Variants in DENND4C observed in about 807,000 individuals in gnomAD.
The protein encoded by DENND4C is DENN domain-containing protein 4C.
DENND4C carries 108 observed loss-of-function variants against 203.0 expected under a neutral mutation model. The ratio of observed to expected loss-of-function variants is 0.53; its 90% CI spans 0.46 to 0.62. DENND4C has a LOEUF of 0.62. Among genes scored for constraint, DENND4C ranks in the 20% least tolerant of loss-of-function variants. The pLI is 0.00. For missense variants in DENND4C, 2,481 were observed against 2,301.2 expected, an observed-to-expected ratio of 1.08 and a Z score of -1.60; for synonymous variants, 871 against 792.4, an observed-to-expected ratio of 1.10 and a Z score of -1.67.
chr9:19,287,416 C>T (rs879407957), intron 3 of DENND4C, among the ~76,000 whole-genome samples: 8 of 151,842 alleles, frequency 5.3e-5, no homozygotes, highest in South Asian at 2.1e-4. Flanking sequence ...CTTGCTTTGT[C>T]GCCCAGGCTG....
At chr9:19,287,876 G>A (rs377253345) in intron 3 of DENND4C, among the ~76,000 whole-genome samples, 100 of 152,286 alleles carry the variant, frequency 6.6e-4, no homozygotes, top group African/African-American at 2.4e-3. Flanking sequence ...GGGGCTACGG[G>A]CGTGCGCCAC....
chr9:19,309,309 C>T (rs1285952095), intron 10 of DENND4C, among the ~76,000 whole-genome samples: 1 of 151,842 alleles, frequency 6.6e-6, no homozygotes, highest in African/African-American at 2.4e-5. Context: ...GTAATCCCAG[C>T]TATCCGGGAG....
chr9:19,244,715 G>A (rs908030743), intron 1 of DENND4C, among the ~76,000 whole-genome samples: 3 of 148,222 alleles, frequency 2.0e-5, no homozygotes, highest in African/African-American at 7.5e-5. Context: ...ACTCCAGCCT[G>A]GGTGACAGAG....
chr9:19,359,153 C>T (rs1310545762), intron 28 of DENND4C, among the ~76,000 whole-genome samples: 4 of 151,824 alleles, frequency 2.6e-5, no homozygotes, highest in East Asian at 3.9e-4. Context: ...TTCAAAATAG[C>T]GAGTTGAGTC....
chr9:19,361,097 A>T (rs1437137427), intron 29 of DENND4C, among the ~76,000 whole-genome samples: 2 of 152,072 alleles, frequency 1.3e-5, no homozygotes, highest in Non-Finnish European at 2.9e-5. Flanking sequence ...TTCCTGACCT[A>T]AGGCAATCCA....
Position 19,316,779 on chromosome 9 carries a change from C to G in DENND4C, c.1747C>G (p.Pro583Ala). 1 of 1,613,944 alleles carries G rather than the reference C, an allele frequency of 6.2e-7. No individual in the cohort carries two copies. The highest frequency in any genetic ancestry group is 8.5e-7 in the Non-Finnish European group (1 of 1,179,952). The change falls in exon 12 of 33, where the codon CCA becomes GCA. Residue 583 changes from proline to alanine, a missense_variant. Pro to Ala is a conservative substitution (Grantham distance 27). Coordinates refer to ENST00000434457, the MANE Select transcript of DENND4C (RefSeq NM_001330640.2). ...ILKGYRTYLR[P>A]ITEAPSNKAT... ...AAAAGGATATAGAACATATCTCAGA[C>G]CAATCACAGAGGCTCCTTCAAATAA...
intron 1 of DENND4C, among the ~76,000 whole-genome samples, chr9:19,235,489 T>TA (rs948531154): frequency 1.3e-5 from 2 of 152,122 alleles, no homozygotes; most frequent in African/African-American, 4.8e-5. Flanking sequence ...ATGTAATTCT[T>TA]ATACTCTTAT....
At chr9:19,284,311 A>G (rs1485119766) in intron 2 of DENND4C, among the ~76,000 whole-genome samples, 1 of 152,126 alleles carries the variant, frequency 6.6e-6, no homozygotes, top group Non-Finnish European at 1.5e-5. Flanking sequence ...TTTGTGTGTG[A>G]CTGTATAATA....
intron 1 of DENND4C, among the ~76,000 whole-genome samples, chr9:19,275,598 G>C (rs1158206245): frequency 6.6e-6 from 1 of 152,032 alleles, no homozygotes; most frequent in Non-Finnish European, 1.5e-5. Context: ...AGCCTCCCGG[G>C]TAGCTGGGAT....
At chr9:19,235,247 G>A (rs1057346135) in intron 1 of DENND4C, among the ~76,000 whole-genome samples, 3 of 152,192 alleles carry the variant, frequency 2.0e-5, no homozygotes, top group African/African-American at 7.2e-5. Context: ...TTACAGGCGT[G>A]AGCCACCACG....
chr9:19,370,777 CAACAT>C (rs760465483), intron 31 of DENND4C, among the ~76,000 whole-genome samples: 7 of 152,228 alleles, frequency 4.6e-5, no homozygotes, highest in Non-Finnish European at 7.3e-5. Context: ...ATCCCCTCCT[CAACAT>C]AAGTGAATTT....
intron 12 of DENND4C, among the ~76,000 whole-genome samples, chr9:19,324,135 A>C (rs1251137079): frequency 6.6e-6 from 1 of 152,156 alleles, no homozygotes; most frequent in Non-Finnish European, 1.5e-5. Flanking sequence ...GATTGTGCAC[A>C]TGCAAATATT....
intron 3 of DENND4C, 25 bp from the exon 4 acceptor site, chr9:19,288,571 T>A (rs1336495730): frequency 8.2e-7 from 1 of 1,223,728 alleles, no homozygotes; most frequent in Non-Finnish European, 1.0e-6. Flanking sequence ...TTGTCTTTTT[T>A]ATAAACCTAA....
intron 1 of DENND4C, among the ~76,000 whole-genome samples, chr9:19,232,417 C>G (rs1338930385): frequency 6.8e-6 from 1 of 147,638 alleles, no homozygotes; most frequent in Non-Finnish European, 1.5e-5. Context: ...TCATATGCGA[C>G]TTGACTTTGG....
intron 1 of DENND4C, among the ~76,000 whole-genome samples, chr9:19,241,435 A>G (rs535260881): frequency 1.3e-5 from 2 of 150,378 alleles, no homozygotes; most frequent in Non-Finnish European, 3.0e-5. Flanking sequence ...CTGGCCTCCA[A>G]CTCCTGGGCT....
At chr9:19,360,849 T>C (rs745720602) in intron 29 of DENND4C, among the ~76,000 whole-genome samples, 11 of 152,222 alleles carry the variant, frequency 7.2e-5, no homozygotes, top group Non-Finnish European at 1.3e-4. Context: ...TTTCTACATA[T>C]ATTTTCTTGG....
In DENND4C at chr9:19,351,997, T is replaced by G. The variant is rs1020607487; in HGVS notation, c.4496-76T>G. 131 of 1,218,538 alleles carry G rather than the reference T, an allele frequency of 1.1e-4. 1 individual carries two copies. Among genetic ancestry groups the G allele is most frequent in the Non-Finnish European group, 1.5e-4 (126 of 829,386 alleles). The allele number at this position is 1,218,538 out of a possible 1,614,324, so 75.5% of individuals were successfully genotyped here. ...TGCAGACTTTATTCTGTGTCCCCCC[T>G]AAATACTTTGGCATGCATTTTCAAA... On this transcript the variant is annotated intron_variant, in intron 24 of 32. Coordinates refer to ENST00000434457, the MANE Select transcript of DENND4C (RefSeq NM_001330640.2).
At chr9:19,262,581 A>G (rs1829649591) in intron 1 of DENND4C, among the ~76,000 whole-genome samples, 1 of 150,190 alleles carries the variant, frequency 6.7e-6, no homozygotes, top group Admixed American at 6.7e-5. Flanking sequence ...ACAGGTGTGC[A>G]CTCCCACACC....
At chr9:19,283,413 A>T (rs184601137) in intron 2 of DENND4C, among the ~76,000 whole-genome samples, 3 of 152,050 alleles carry the variant, frequency 2.0e-5, no homozygotes, top group African/African-American at 7.2e-5. Flanking sequence ...GTAGGAATAT[A>T]CTCTAAAGTA....
Sources: allele counts gnomAD v4.1 joint callset (sites outside exome capture counted in the v4.1 genomes callset), GRCh38; gene constraint gnomAD v4.1.1; transcripts MANE v1.5; gene names NCBI Gene and HGNC (gene_info 2026-07-23, HGNC 2026-07-21).